The following MAX variants were observed in gnomAD, a reference collection of about 807,000 sequenced individuals.
The protein encoded by MAX is MYC associated transcriptional regulator X, also known as protein max.
Under a neutral mutation model 22.3 loss-of-function variants are expected in MAX, and 3 were observed. That is an observed-to-expected ratio of 0.13 (90% CI 0.06 to 0.35). The LOEUF is 0.35. Ranked by LOEUF, MAX falls within the 10% of genes least tolerant of loss-of-function variation. The probability of loss-of-function intolerance (pLI) is 1.00; values close to 1 mark genes in which losing one functional copy is unlikely to be tolerated. For missense variants in MAX, 119 were observed against 209.4 expected (o/e 0.57, Z 2.66); for synonymous variants, 72 against 77.7 (o/e 0.93, Z 0.39).
rs1595104007 is a variant in MAX, at chr14:65,056,754, G to A, written c.171+36954C>T. Among the ~76,000 whole-genome samples the A allele has an allele frequency of 1.3e-5, 2 of 152,180 alleles. 1 individual carries two copies. The highest frequency in any genetic ancestry group is 3.8e-4 in the East Asian group (2 of 5,202). ...CTAATCTTCTATCAGTTACATGTGT[G>A]TAGTGAATATCTTCCAGCTTGTGAC... On this transcript the variant is annotated intron_variant, in intron 3 of 3. Transcript: ENST00000341653.
At chr14:65,066,166 C>T (rs1445519624) in intron 3 of MAX, among the ~76,000 whole-genome samples, 1 of 152,186 alleles carries the variant, frequency 6.6e-6, no homozygotes, top group Non-Finnish European at 1.5e-5. Flanking sequence ...TAGGGCAGGC[C>T]CCTCACCCTT....
At chr14:65,092,254 A>G (rs1697998899) in intron 3 of MAX, among the ~76,000 whole-genome samples, 1 of 152,136 alleles carries the variant, frequency 6.6e-6, no homozygotes, top group African/African-American at 2.4e-5. Context: ...CTGATTCAGT[A>G]GTGAATCGTA....
Position 65,014,914 on chromosome 14 carries a change from G to A in MAX, c.172-8630C>T, listed in dbSNP as rs1323332785. 6.6e-6 allele frequency among the ~76,000 whole-genome samples: 1 copy of A among 152,108 alleles called. No homozygotes were observed. The highest frequency in any genetic ancestry group is 2.4e-5 in the African/African-American group (1 of 41,424). On this transcript the variant is annotated intron_variant, in intron 3 of 3. Transcript: ENST00000341653. The surrounding 1 kb of genome is among the most constrained non-coding windows in gnomAD (Gnocchi z 5.1). The stretch of plus-strand genomic sequence containing the variant: ...ACTATCAAATATTTGTTGAATCAGT[G>A]ATTGAGTTAAGCTAGGAAATCTCTT...
At chr14:65,070,627 G>A (rs537657747), downstream of MAX, among the ~76,000 whole-genome samples, 1 of 152,368 alleles carries the variant, frequency 6.6e-6, no homozygotes, top group Middle Eastern at 3.4e-3. The surrounding 1 kb of genome is among the most constrained non-coding windows in gnomAD (Gnocchi z 4.4). Context: ...TGTGTTGTGT[G>A]TGCGAGCGTG....
Position 65,084,641 on chromosome 14 carries a change from T to A in MAX, c.172-6605A>T, listed in dbSNP as rs2063280201. On this transcript the variant is annotated intron_variant, in intron 3 of 4. Transcript: ENST00000358664. This position sits in a 1 kb window ranked among gnomAD's most constrained non-coding sequence, Gnocchi z 4.3. ...TACAGAGATGTCCATATTATAATTATAAATTTTAAATTTTAAAAATTGAAT... is the reference window on the plus strand; with the variant it reads ...TACAGAGATGTCCATATTATAATTAAAAATTTTAAATTTTAAAAATTGAAT... Among the ~76,000 whole-genome samples, 1 of 152,160 alleles carries A rather than the reference T, an allele frequency of 6.6e-6. No homozygotes were observed. Among genetic ancestry groups the A allele is most frequent in the Non-Finnish European group, 1.5e-5 (1 of 68,038 alleles).
Position 65,047,646 on chromosome 14 carries a change from C to T in MAX, c.172-41362G>A, listed in dbSNP as rs1253038910. Reference sequence around the variant, plus strand: ...TATAAGGGCACTTACCCTTTGAACACAGCAAGTGCACTGTCAGGAATTTAC... The same window carrying T: ...TATAAGGGCACTTACCCTTTGAACATAGCAAGTGCACTGTCAGGAATTTAC... On this transcript the variant is annotated intron_variant, in intron 3 of 3. Transcript: ENST00000341653. The surrounding 1 kb of genome is among the most constrained non-coding windows in gnomAD (Gnocchi z 5.2). Among the ~76,000 whole-genome samples the T allele has an allele frequency of 6.6e-6, 1 of 152,186 alleles. No individual in the cohort carries two copies. Among genetic ancestry groups the T allele is most frequent in the Non-Finnish European group, 1.5e-5 (1 of 68,032 alleles).
At chr14:65,080,275 T>G (rs2063168905) in intron 3 of MAX, among the ~76,000 whole-genome samples, 1 of 152,228 alleles carries the variant, frequency 6.6e-6, no homozygotes. Flanking sequence ...GATGCGTTTC[T>G]TTAGTTGAGT....
At position 65,044,647 on chromosome 14, in the gene MAX, T is replaced by C. The variant is rs2062434599; in HGVS notation, c.172-38363A>G. On this transcript the variant is annotated intron_variant, in intron 3 of 3. Transcript: ENST00000341653. The surrounding 1 kb of genome is among the most constrained non-coding windows in gnomAD (Gnocchi z 5.5). The stretch of plus-strand genomic sequence containing the variant: ...TCATTGGTTTAGTGTCATTCTTTGC[T>C]TCTTCAAATTGGCTGCGACAGAATG... 4 of 778,876 alleles carry C rather than the reference T, an allele frequency of 5.1e-6. 1 individual carries two copies. Among genetic ancestry groups the C allele is most frequent in the East Asian group, 6.8e-5 (2 of 29,610 alleles). The allele number at this position is 778,876 out of a possible 1,614,324, so 48.2% of individuals were successfully genotyped here.
chr14:65,066,415 G>A (rs1040635631), intron 3 of MAX, among the ~76,000 whole-genome samples: 6 of 152,190 alleles, frequency 3.9e-5, no homozygotes, highest in Admixed American at 6.5e-5. Context: ...GTGGCCTCAC[G>A]TTCCTCCCTC....
intron 3 of MAX, among the ~76,000 whole-genome samples, chr14:65,068,857 C>T (rs2062957841): frequency 1.3e-5 from 2 of 152,100 alleles, no homozygotes; most frequent in African/African-American, 4.8e-5. Flanking sequence ...TTGGTTACCC[C>T]GAGTGTGAGA....
In MAX at chr14:65,101,565, TG is replaced by T. The variant is rs1301837326; in HGVS notation, c.43del (p.Gln15AsnfsTer50). ...ACGTACCGCAGATTGAAACCTCGGT[TG>T]CTCTTCCTGGAATAAGAGAGAAAAA... is the stretch of plus-strand genomic sequence containing the variant. Reference protein sequence around the residue: ...DDIEVESDEEQPRFQSAADKR... With the variant: ...DDIEVESDEEXPRFQSAADKR... On this transcript the variant is annotated frameshift_variant, in exon 2 of 5. Transcript: ENST00000358664. LOFTEE classifies it high-confidence loss of function. 6.2e-7 allele frequency: 1 copy of T among 1,608,676 alleles called. No homozygotes were observed.
rs2063089153 is a variant in MAX at position 65,077,462 on chromosome 14, G to A, written c.295+451C>T. ...GTAGGAAAAGGCGGGTGTGAGCATT[G>A]AGAACAGCATGGGCCTAGCCCATAG... On this transcript the variant is annotated intron_variant, in intron 4 of 4. Transcript: ENST00000358664. This position sits in a 1 kb window ranked among gnomAD's most constrained non-coding sequence, Gnocchi z 6.3. The A allele has an allele frequency of 3.5e-6, 5 of 1,410,508 alleles. No homozygotes were observed. The Middle Eastern group carries it at 5.3e-4, about 148-fold the overall frequency. 87.4% of individuals were successfully genotyped at this position (1,410,508 alleles called of 1,614,324 possible).
At position 65,011,019 on chromosome 14, in the gene MAX, C is replaced by A. The variant is rs970447532; in HGVS notation, c.172-4735G>T. Among the ~76,000 whole-genome samples, 2 of 149,674 alleles carry A rather than the reference C, an allele frequency of 1.3e-5. No homozygotes were observed. The highest frequency in any genetic ancestry group is 4.9e-5 in the African/African-American group (2 of 40,462). ...GATCATTCCTTTCTTCATGAGATAT[C>A]CCCTCCCTTTTGAGCCTCAGTAGTA... On this transcript the variant is annotated intron_variant, in intron 3 of 3. Coordinates refer to the MAX transcript ENST00000341653. The surrounding 1 kb of genome is among the most constrained non-coding windows in gnomAD (Gnocchi z 4.0).
intron 3 of MAX, among the ~76,000 whole-genome samples, chr14:65,042,200 G>T (rs554907079): frequency 6.6e-6 from 1 of 152,148 alleles, no homozygotes; most frequent in Admixed American, 6.5e-5. Context: ...GGGGTGGGAC[G>T]GGGGGTGATG....
intron 3 of MAX, among the ~76,000 whole-genome samples, chr14:65,067,630 T>G (rs538667513): frequency 6.6e-5 from 10 of 151,988 alleles, no homozygotes; most frequent in East Asian, 1.9e-4. Flanking sequence ...TTTATGTTTT[T>G]TTTTTTTTTT....
chr14:65,041,637 T>C (rs1437001084), intron 3 of MAX, among the ~76,000 whole-genome samples: 1 of 152,210 alleles, frequency 6.6e-6, no homozygotes, highest in Non-Finnish European at 1.5e-5. Context: ...CCTCCCGTTA[T>C]GCGGCCCATC....
intron 3 of MAX, among the ~76,000 whole-genome samples, chr14:65,057,850 C>G (rs1429976562): frequency 1.3e-5 from 2 of 152,174 alleles, no homozygotes; most frequent in African/African-American, 2.4e-5. Flanking sequence ...GTACCACACC[C>G]TCAAGTTTCC....
In MAX at chr14:65,084,169, A is replaced by T; in HGVS notation, c.172-6133T>A. 6.2e-7 allele frequency: 1 copy of T among 1,613,744 alleles called. No individual in the cohort carries two copies. ...TAAGACATTTGTGTAAGGGGTCAAAACAATCATTTTTTAAATCTTGCATTC... is the reference window on the plus strand; with the variant it reads ...TAAGACATTTGTGTAAGGGGTCAAATCAATCATTTTTTAAATCTTGCATTC... On this transcript the variant is annotated intron_variant, in intron 3 of 4. Transcript: ENST00000358664. This position sits in a 1 kb window ranked among gnomAD's most constrained non-coding sequence, Gnocchi z 4.3.
chr14:65,021,909 G>A (rs2061894158), intron 3 of MAX: 5 of 456,002 alleles, frequency 1.1e-5, no homozygotes, highest in Non-Finnish European at 1.8e-5. Context: ...GCCTCCCAAA[G>A]TGCTAGGATT....
Sources: gnomAD v4.1 joint callset for allele counts (sites outside exome capture counted in the v4.1 genomes callset) on GRCh38, gnomAD v4.1.1 for gene constraint, Gnocchi (gnomAD v3.1) non-coding constraint, MANE v1.5 for transcripts, NCBI Gene and HGNC (gene_info 2026-07-23, HGNC 2026-07-21) for gene names.